RALGDS: variants seen among roughly 807,000 people sequenced by gnomAD.
The protein encoded by RALGDS is ral guanine nucleotide dissociation stimulator.
In RALGDS, 44 loss-of-function variants were observed where a neutral mutation model predicts 99.8. The observed-to-expected ratio is 0.44, with a 90% CI of 0.35 to 0.57. The LOEUF (loss-of-function observed/expected upper bound fraction) is 0.57, where lower values mean the gene tolerates loss of function less well. RALGDS is among the 20% of genes least tolerant of loss of function. The probability of loss-of-function intolerance (pLI) is 0.01; values close to 1 mark genes in which losing one functional copy is unlikely to be tolerated. For missense variants in RALGDS, 1,022 were observed against 1,203.1 expected (o/e 0.85, Z 2.23); for synonymous variants, 529 against 505.0 (o/e 1.05, Z -0.64).
intron 2 of RALGDS, 35 bp downstream of exon 2, chr9:133,112,007 C>T (rs952582765): frequency 4.1e-6 from 6 of 1,477,134 alleles, no homozygotes; most frequent in Non-Finnish European, 5.6e-6. Context: ...GGATCCCCAG[C>T]TGCGTCTCCC....
chr9:133,129,152 G>A (rs752456651), intron 1 of RALGDS: 73 of 1,588,572 alleles, frequency 4.6e-5, no homozygotes, highest in Middle Eastern at 1.7e-4. Context: ...GGTGGTGGCC[G>A]GTGCTGGCAG....
intron 1 of RALGDS, among the ~76,000 whole-genome samples, chr9:133,120,713 G>C (rs1439419755): frequency 6.6e-6 from 1 of 152,216 alleles, no homozygotes; most frequent in Non-Finnish European, 1.5e-5. Flanking sequence ...GGTGACAGCA[G>C]GCCCTGGAAC....
intron 1 of RALGDS, among the ~76,000 whole-genome samples, chr9:133,147,999 G>A (rs576056003): frequency 6.6e-6 from 1 of 152,236 alleles, no homozygotes; most frequent in Admixed American, 6.5e-5. Flanking sequence ...TGTCCCACAA[G>A]AGTTGTCCAG....
rs1398813680 is a variant in RALGDS, at chr9:133,102,370, G to A, written c.2009+106C>T. ...CAGTCTCAGGGCCAGTCAGCAGCAG[G>A]GTAGGATTCCAGGGCCAGCCTCCCT... On this transcript the variant is annotated intron_variant, in intron 14 of 17. Transcript: ENST00000372050. 1.4e-5 allele frequency: 19 copies of A among 1,311,772 alleles called. No homozygotes were observed. In the Admixed American group the frequency reaches 3.4e-4, roughly 24 times the overall value. 81.3% of individuals were successfully genotyped at this position (1,311,772 alleles called of 1,614,324 possible).
chr9:133,109,599 C>T, intron 4 of RALGDS, 27 bp downstream of exon 4: 1 of 1,586,468 alleles, frequency 6.3e-7, no homozygotes, highest in East Asian at 2.2e-5. Context: ...GACAGGGTCC[C>T]TTCCTCTTGG....
intron 3 of RALGDS, 125 bp from the exon 4 acceptor site, chr9:133,109,846 A>G: frequency 1.3e-6 from 1 of 742,764 alleles, no homozygotes; most frequent in Non-Finnish European, 2.4e-6. Flanking sequence ...GGGCCAGCAC[A>G]CAGTAGGTGC....
At chr9:133,124,315 G>C (rs144977210), upstream of RALGDS, among the ~76,000 whole-genome samples, 27 of 152,010 alleles carry the variant, frequency 1.8e-4, no homozygotes, top group Admixed American at 1.3e-4. Context: ...CACACACACA[G>C]AGACATTGGA....
intron 1 of RALGDS, among the ~76,000 whole-genome samples, chr9:133,127,815 T>A (rs910067862): frequency 6.6e-6 from 1 of 152,168 alleles, no homozygotes; most frequent in Non-Finnish European, 1.5e-5. Context: ...CACTGAAATC[T>A]CCAGGAGACC....
At chr9:133,105,299 A>G (rs1830963312) in intron 9 of RALGDS, among the ~76,000 whole-genome samples, 1 of 152,118 alleles carries the variant, frequency 6.6e-6, no homozygotes, top group Admixed American at 6.5e-5. Context: ...TCGTGAATCC[A>G]TTAGTCACTG....
At chr9:133,125,769 C>T (rs73558469), upstream of RALGDS, among the ~76,000 whole-genome samples, 2,294 of 152,234 alleles carry the variant, frequency 0.015, 52 homozygotes, top group African/African-American at 0.051. Flanking sequence ...GCTTGAGACT[C>T]ACCCTCTGAT....
At chr9:133,101,311 G>T (rs35108384) in intron 16 of RALGDS, 1 of 1,400,720 alleles carries the variant, frequency 7.1e-7, no homozygotes, top group Non-Finnish European at 9.7e-7. Flanking sequence ...AGCTCCTGGG[G>T]GCTTTGCACG....
intron 15 of RALGDS, 28 bp from the exon 16 acceptor site, chr9:133,101,790 C>A: frequency 6.3e-7 from 1 of 1,579,018 alleles, no homozygotes; most frequent in South Asian, 1.1e-5. Flanking sequence ...ATCAGCAGAT[C>A]CCACTGCCCT....
intron 17 of RALGDS, 36 bp downstream of exon 17, chr9:133,100,232 C>T (rs1235480191): frequency 1.3e-6 from 2 of 1,579,310 alleles, no homozygotes; most frequent in Non-Finnish European, 1.7e-6. Flanking sequence ...TGTGGACCTG[C>T]CCCCTCTGCC....
upstream of RALGDS, among the ~76,000 whole-genome samples, chr9:133,135,091 C>T (rs1548371): frequency 0.21 from 31,676 of 152,002 alleles, 3,622 homozygotes; most frequent in Middle Eastern, 0.3. Context: ...ACAGGAGGGC[C>T]CCTGTGTGTG....
At chr9:133,121,558 G>C (rs764944863), upstream of RALGDS, among the ~76,000 whole-genome samples, 4 of 152,046 alleles carry the variant, frequency 2.6e-5, no homozygotes, top group Non-Finnish European at 4.4e-5. Flanking sequence ...GCTGCAGTGC[G>C]TGTGTTGCGT....
chr9:133,102,708 T>G, intron 13 of RALGDS, 71 bp downstream of exon 13: 2 of 1,602,836 alleles, frequency 1.2e-6, no homozygotes, highest in South Asian at 2.2e-5. Flanking sequence ...GGGTCATAGC[T>G]GCTGGCCCTC....
upstream of RALGDS, among the ~76,000 whole-genome samples, chr9:133,122,673 A>G (rs754009189): frequency 9.9e-5 from 15 of 152,198 alleles, no homozygotes; most frequent in Non-Finnish European, 1.9e-4. Flanking sequence ...CTGAATTTCT[A>G]ATTTCTAAAA....
chr9:133,104,563 G>A (rs1829354116), intron 9 of RALGDS: 1 of 550,166 alleles, frequency 1.8e-6, no homozygotes, highest in Non-Finnish European at 3.3e-6. Flanking sequence ...TGTAATCCCA[G>A]CATTTTGGAA....
At chr9:133,112,228 G>GTTTCCAGGA in intron 1 of RALGDS, 76 bp from the exon 2 acceptor site, 1 of 952,272 alleles carries the variant, frequency 1.1e-6, no homozygotes, top group Non-Finnish European at 1.6e-6. Context: ...GGATGCACCT[G>GTTTCCAGGA]TGTAACCTGT....
Sources: allele counts gnomAD v4.1 joint callset (sites outside exome capture counted in the v4.1 genomes callset), GRCh38; gene constraint gnomAD v4.1.1; transcripts MANE v1.5; gene names NCBI Gene and HGNC (gene_info 2026-07-23, HGNC 2026-07-21).